RAB27A: variants seen among roughly 807,000 people sequenced by gnomAD.
RAB27A encodes RAB27A, member RAS oncogene family.
A neutral mutation model predicts 20.8 loss-of-function variants in RAB27A; 17 were observed. The observed-to-expected ratio is 0.82, with a 90% confidence interval of 0.56 to 1.23. RAB27A has a LOEUF of 1.23. RAB27A is among the 50% of genes most tolerant of loss of function. The pLI, the probability that RAB27A is intolerant of heterozygous loss-of-function variation, is 0.00. For missense variants in RAB27A, 277 were observed against 266.7 expected, an observed-to-expected ratio of 1.04 and a Z score of -0.27; for synonymous variants, 85 against 92.8, an observed-to-expected ratio of 0.92 and a Z score of 0.48.
At chr15:55,308,908 C>A in intron 2 of RAB27A, among the ~76,000 whole-genome samples, 1 of 152,226 alleles carries the variant, frequency 6.6e-6, no homozygotes, top group South Asian at 2.1e-4. Context: ...GAGGCCAACC[C>A]TTTGCCACTA....
chr15:55,237,563 A>G (rs1383322712), intron 2 of RAB27A: 1 of 152,216 alleles, frequency 6.6e-6, no homozygotes, highest in Non-Finnish European at 1.5e-5. Context: ...ATGACATATA[A>G]CAGAATTCCT....
chr15:55,256,588 G>T (rs1897088192), intron 2 of RAB27A, among the ~76,000 whole-genome samples: 1 of 152,204 alleles, frequency 6.6e-6, no homozygotes, highest in Non-Finnish European at 1.5e-5. Flanking sequence ...TATTGAGGAG[G>T]CTTGCTAATC....
chr15:55,242,619 T>G (rs907404703), intron 2 of RAB27A, among the ~76,000 whole-genome samples: 2 of 152,248 alleles, frequency 1.3e-5, no homozygotes, highest in Admixed American at 1.3e-4. Flanking sequence ...CTATTCTTAA[T>G]GTAACCAGTA....
intron 2 of RAB27A, among the ~76,000 whole-genome samples, chr15:55,235,383 G>C (rs1216062664): frequency 6.6e-6 from 1 of 152,088 alleles, no homozygotes; most frequent in Non-Finnish European, 1.5e-5. Context: ...GGGAGGTGGA[G>C]GTTGCAGTGA....
intron 3 of RAB27A, among the ~76,000 whole-genome samples, chr15:55,230,818 C>A (rs938792278): frequency 1.4e-4 from 22 of 152,160 alleles, no homozygotes; most frequent in African/African-American, 4.6e-4. Context: ...TTTTCCCAAT[C>A]TCATCTTTTT....
At position 55,219,340 on chromosome 15, in the gene RAB27A, C is replaced by G. The variant is rs1895458586; in HGVS notation, c.467+4549G>C. Among the ~76,000 whole-genome samples the G allele has an allele frequency of 2.0e-5, 3 of 152,204 alleles. No homozygotes were observed. In the South Asian group the frequency reaches 6.2e-4, roughly 31 times the overall value. On this transcript the variant is annotated intron_variant, in intron 6 of 6. Coordinates refer to ENST00000336787, the MANE Select transcript of RAB27A (RefSeq NM_183235.3). ...GAAGTCATTGAGCATATTTCACTCA[C>G]TCATGCATGGCACAAGTAGACAATT...
At chr15:55,224,747 C>T (rs978468862) in intron 5 of RAB27A, among the ~76,000 whole-genome samples, 6 of 152,212 alleles carry the variant, frequency 3.9e-5, no homozygotes, top group African/African-American at 1.4e-4. Flanking sequence ...GAAAATAACA[C>T]CTCATTTCTT....
At chr15:55,214,769 G>A (rs895267226) in intron 6 of RAB27A, among the ~76,000 whole-genome samples, 2 of 152,094 alleles carry the variant, frequency 1.3e-5, no homozygotes, top group South Asian at 4.1e-4. Context: ...ACAACTTGAA[G>A]AGGCAATCCT....
rs574310517 is a variant in RAB27A at position 55,295,999 on chromosome 15, C to A, written c.-112+18040G>T. Among the ~76,000 whole-genome samples the A allele has an allele frequency of 2.6e-5, 4 of 151,214 alleles. No individual in the cohort carries two copies. The East Asian group carries it at 6.0e-4, about 23-fold the overall frequency. On this transcript the variant is annotated intron_variant, in intron 2 of 5. Coordinates refer to the RAB27A transcript ENST00000563262. ...GCAACCTCCGCCTTCCGGTTTCAAG[C>A]GATACTCCTGCCTCAGCCTCTCGAG...
intron 1 of RAB27A, among the ~76,000 whole-genome samples, chr15:55,274,665 C>T (rs1264380950): frequency 1.3e-5 from 2 of 151,230 alleles, no homozygotes; most frequent in African/African-American, 4.8e-5. Context: ...GTAATCCCAG[C>T]TGCTTGGGAG....
At chr15:55,317,982 A>C (rs76763064) in intron 1 of RAB27A, 4,902 of 354,836 alleles carry the variant, frequency 0.014, 224 homozygotes, top group African/African-American at 0.094. Context: ...TTACTAATTA[A>C]AACAAGAATA....
intron 2 of RAB27A, among the ~76,000 whole-genome samples, chr15:55,252,533 C>T (rs976629303): frequency 5.3e-5 from 8 of 152,108 alleles, no homozygotes; most frequent in Non-Finnish European, 8.8e-5. Context: ...ACCTGGGAGG[C>T]GGAAGCTGCA....
chr15:55,286,011 C>A (rs1441576614), intron 1 of RAB27A, among the ~76,000 whole-genome samples: 1 of 152,152 alleles, frequency 6.6e-6, no homozygotes, highest in African/African-American at 2.4e-5. Flanking sequence ...GAAAGTAGGA[C>A]AGAAGACGAG....
At chr15:55,275,156 G>A (rs972843649) in intron 1 of RAB27A, among the ~76,000 whole-genome samples, 2 of 151,760 alleles carry the variant, frequency 1.3e-5, no homozygotes, top group Non-Finnish European at 2.9e-5. Flanking sequence ...GGAGGATGAG[G>A]CAGGAGAATC....
intron 1 of RAB27A, among the ~76,000 whole-genome samples, chr15:55,285,667 GGAAAAATTACTCTCTTCAA>G (rs1420775201): frequency 1.6e-4 from 25 of 152,260 alleles, no homozygotes; most frequent in Non-Finnish European, 2.9e-4. Flanking sequence ...GCTATAGAAG[GGAAAAATTACTCTCTTCAA>G]GAACCAATCT....
chr15:55,264,065 G>A (rs904742748), intron 2 of RAB27A, among the ~76,000 whole-genome samples: 1 of 152,102 alleles, frequency 6.6e-6, no homozygotes, highest in Non-Finnish European at 1.5e-5. Flanking sequence ...TGTTTTTTGA[G>A]ACAAGAGTCT....
chr15:55,259,726 T>C (rs1364013426), intron 2 of RAB27A, among the ~76,000 whole-genome samples: 1 of 152,248 alleles, frequency 6.6e-6, no homozygotes, highest in African/African-American at 2.4e-5. Flanking sequence ...CCCTTAAGTA[T>C]ATACAATCGT....
At chr15:55,244,777 C>T (rs973909926) in intron 2 of RAB27A, among the ~76,000 whole-genome samples, 1 of 152,160 alleles carries the variant, frequency 6.6e-6, no homozygotes, top group African/African-American at 2.4e-5. Flanking sequence ...TGAATTATAA[C>T]ACCACATGTT....
chr15:55,313,470 C>T (rs1333540921), intron 2 of RAB27A, among the ~76,000 whole-genome samples: 2 of 152,092 alleles, frequency 1.3e-5, no homozygotes, highest in East Asian at 3.9e-4. Context: ...TGAATAAATC[C>T]ATTTATACAA....
Sources: allele counts gnomAD v4.1 joint callset (sites outside exome capture counted in the v4.1 genomes callset), GRCh38; gene constraint gnomAD v4.1.1; transcripts MANE v1.5; gene names NCBI Gene and HGNC (gene_info 2026-07-23, HGNC 2026-07-21).